The following GOLIM4 variants were observed in gnomAD, a reference collection of about 807,000 sequenced individuals.
The protein encoded by GOLIM4 is golgi integral membrane protein 4, also known as 130 kDa golgi-localized phosphoprotein.
A neutral mutation model predicts 107.4 loss-of-function variants in GOLIM4; 71 were observed. The observed-to-expected ratio is 0.66, with a 90% CI of 0.55 to 0.81. GOLIM4 has a LOEUF of 0.81. Ranked by LOEUF, GOLIM4 falls within the 30% of genes least tolerant of loss-of-function variation. GOLIM4 has a pLI of 0.00. For missense variants in GOLIM4, 830 were observed against 826.1 expected, an observed-to-expected ratio of 1.00 and a Z score of -0.06; for synonymous variants, 327 against 294.8, an observed-to-expected ratio of 1.11 and a Z score of -1.12.
At chr3:168,063,301 A>G (rs140341167) in intron 1 of GOLIM4, among the ~76,000 whole-genome samples, 5 of 152,326 alleles carry the variant, frequency 3.3e-5, no homozygotes, top group African/African-American at 1.2e-4. Context: ...TTTGACTAGA[A>G]TTCTTAGTGA....
intron 14 of GOLIM4, among the ~76,000 whole-genome samples, chr3:168,012,087 C>T (rs1247565585): frequency 1.6e-5 from 2 of 125,374 alleles, no homozygotes; most frequent in East Asian, 4.0e-4. Context: ...GATCAAATTA[C>T]TCTGAGCTAC....
At chr3:168,024,477 G>T (rs1717885393) in intron 14 of GOLIM4, 49 bp downstream of exon 14, 2 of 1,215,792 alleles carry the variant, frequency 1.6e-6, no homozygotes, top group Non-Finnish European at 2.5e-6. Flanking sequence ...TAAGGTTAGT[G>T]TGTGTGACAG....
chr3:168,044,961 A>G (rs1043789780), intron 3 of GOLIM4, 80 bp from the exon 4 acceptor site: 3 of 768,336 alleles, frequency 3.9e-6, no homozygotes, highest in African/African-American at 1.8e-5. Context: ...ACTTTAAAAT[A>G]TAACTTTATT....
At chr3:168,070,353 A>G (rs369250523) in intron 1 of GOLIM4, among the ~76,000 whole-genome samples, 14 of 152,354 alleles carry the variant, frequency 9.2e-5, no homozygotes, top group African/African-American at 3.1e-4. Flanking sequence ...AGATTGCACC[A>G]CTGCACTCCA....
At chr3:168,051,656 A>G (rs1232009730) in intron 1 of GOLIM4, among the ~76,000 whole-genome samples, 1 of 152,230 alleles carries the variant, frequency 6.6e-6, no homozygotes, top group African/African-American at 2.4e-5. Flanking sequence ...ATATATATGT[A>G]GAAACTATGA....
At chr3:168,041,344 A>G in intron 6 of GOLIM4, 48 bp downstream of exon 6, 1 of 1,070,148 alleles carries the variant, frequency 9.3e-7, no homozygotes, top group Non-Finnish European at 1.4e-6. Context: ...CATTCTACCA[A>G]ATAAAGCAGG....
At chr3:168,019,002 C>CA (rs1717533012) in intron 14 of GOLIM4, among the ~76,000 whole-genome samples, 1 of 147,474 alleles carries the variant, frequency 6.8e-6, no homozygotes, top group Non-Finnish European at 1.5e-5. Flanking sequence ...AAAAAGAAAA[C>CA]AAAAAACTAT....
intron 14 of GOLIM4, among the ~76,000 whole-genome samples, chr3:168,018,994 AAAG>A (rs1476266926): frequency 3.3e-5 from 5 of 151,856 alleles, no homozygotes; most frequent in African/African-American, 1.2e-4. Flanking sequence ...AAAAAAAAAA[AAAG>A]AAAACAAAAA....
In GOLIM4 at chr3:168,010,143, A is replaced by G; in HGVS notation, c.*126T>C. 1 of 781,994 alleles carries G rather than the reference A, an allele frequency of 1.3e-6. No individual in the cohort carries two copies. The highest frequency in any genetic ancestry group is 2.0e-6 in the Non-Finnish European group (1 of 501,500). 48.4% of individuals were successfully genotyped at this position (781,994 alleles called of 1,614,324 possible). A position where few individuals can be genotyped will look rare whatever the true frequency, so the allele number is the denominator to read the frequency against. ...AAATGTATGCGCATTTCTAATACAA[A>G]AGTTTTAAAAAAGTCTAAGTTCTTA... is the stretch of plus-strand genomic sequence containing the variant. On this transcript the variant is annotated 3_prime_UTR_variant, in exon 16 of 16. Coordinates refer to ENST00000470487, the MANE Select transcript of GOLIM4 (RefSeq NM_014498.5).
At chr3:168,011,221 T>C (rs9813799) in intron 14 of GOLIM4, among the ~76,000 whole-genome samples, 81,207 of 145,388 alleles carry the variant, frequency 0.56, 24,944 homozygotes, top group African/African-American at 0.82. Flanking sequence ...CGAGGCATTG[T>C]CTCACTTGGG....
At chr3:168,077,839 C>T (rs1721148188) in intron 1 of GOLIM4, among the ~76,000 whole-genome samples, 3 of 152,028 alleles carry the variant, frequency 2.0e-5, no homozygotes, top group Non-Finnish European at 4.4e-5. Flanking sequence ...CAAAAATAAA[C>T]TATAATATAC....
At chr3:168,031,416 A>G (rs566825341) in intron 9 of GOLIM4, among the ~76,000 whole-genome samples, 1 of 152,346 alleles carries the variant, frequency 6.6e-6, no homozygotes, top group African/African-American at 2.4e-5. Context: ...TTTGATCATT[A>G]TACATTATAT....
intron 1 of GOLIM4, among the ~76,000 whole-genome samples, chr3:168,069,284 G>A (rs1720721311): frequency 6.6e-6 from 1 of 152,100 alleles, no homozygotes. Context: ...AGATAAAAAT[G>A]TACTCATATG....
intron 14 of GOLIM4, among the ~76,000 whole-genome samples, chr3:168,011,947 A>C (rs927220068): frequency 6.7e-6 from 1 of 148,196 alleles, no homozygotes; most frequent in African/African-American, 2.6e-5. Flanking sequence ...ATGGGGAAAA[A>C]ACAGAACAGA....
intron 1 of GOLIM4, among the ~76,000 whole-genome samples, chr3:168,090,760 G>A (rs1298870231): frequency 6.6e-6 from 1 of 152,108 alleles, no homozygotes; most frequent in Non-Finnish European, 1.5e-5. Flanking sequence ...CAAAGATATG[G>A]AATCAACCTA....
At chr3:168,014,123 C>G (rs1057217060) in intron 14 of GOLIM4, among the ~76,000 whole-genome samples, 1 of 141,506 alleles carries the variant, frequency 7.1e-6, no homozygotes, top group African/African-American at 2.9e-5. Flanking sequence ...AAAGGATCAA[C>G]AAAATTGATA....
At chr3:168,012,705 A>G (rs1461015137) in intron 14 of GOLIM4, among the ~76,000 whole-genome samples, 3 of 151,970 alleles carry the variant, frequency 2.0e-5, no homozygotes, top group Middle Eastern at 6.8e-3. Flanking sequence ...CAGAAACTCT[A>G]CAAGCCAGAA....
intron 1 of GOLIM4, among the ~76,000 whole-genome samples, chr3:168,073,996 T>G (rs1720954102): frequency 6.6e-6 from 1 of 152,126 alleles, no homozygotes; most frequent in Non-Finnish European, 1.5e-5. Context: ...AAGATGAGGT[T>G]ATAAAAAAGT....
At chr3:168,088,634 C>T (rs1458194150) in intron 1 of GOLIM4, among the ~76,000 whole-genome samples, 3 of 152,196 alleles carry the variant, frequency 2.0e-5, no homozygotes, top group Admixed American at 2.0e-4. Context: ...TCTTTTAGGA[C>T]ATAAAGATGT....
Sources: gnomAD v4.1 joint callset for allele counts (sites outside exome capture counted in the v4.1 genomes callset) on GRCh38, gnomAD v4.1.1 for gene constraint, MANE v1.5 for transcripts, NCBI Gene and HGNC (gene_info 2026-07-23, HGNC 2026-07-21) for gene names.